The following AGMO variants were observed in gnomAD, a reference collection of about 807,000 sequenced individuals.
The protein encoded by AGMO is glyceryl-ether monooxygenase.
A neutral mutation model predicts 60.2 loss-of-function variants in AGMO; 75 were observed. The ratio of observed to expected loss-of-function variants is 1.25; its 90% CI spans 1.03 to 1.51. The LOEUF (loss-of-function observed/expected upper bound fraction) is 1.51. AGMO is among the 40% of genes most tolerant of loss of function. The pLI, the probability that AGMO is intolerant of heterozygous loss-of-function variation, is 0.00. For synonymous variants in AGMO, 261 were observed against 177.1 expected, an observed-to-expected ratio of 1.47 and a Z score of -3.76; for missense variants, 763 against 525.5, an observed-to-expected ratio of 1.45 and a Z score of -4.42.
chr7:15,142,918 A>T, the AGMO span, among the ~76,000 whole-genome samples: 1 of 152,218 alleles, frequency 6.6e-6, no homozygotes, highest in African/African-American at 2.4e-5. Context: ...CACGTTATGG[A>T]ATCTAGGTAC....
chr7:15,164,846 G>A, the AGMO span, among the ~76,000 whole-genome samples: 2 of 151,968 alleles, frequency 1.3e-5, no homozygotes, highest in Non-Finnish European at 2.9e-5. Flanking sequence ...ATTTCTTAAA[G>A]AAATAAAAAT....
chr7:15,396,139 G>C (rs1460429493), intron 5 of AGMO: 1 of 152,234 alleles, frequency 6.6e-6, no homozygotes, highest in Non-Finnish European at 1.5e-5. Context: ...GCATGCAAAA[G>C]ACTGTAAACC....
the AGMO span, among the ~76,000 whole-genome samples, chr7:15,164,820 G>A: frequency 6.6e-6 from 1 of 152,060 alleles, no homozygotes; most frequent in African/African-American, 2.4e-5. Flanking sequence ...CAACCTCTAT[G>A]GAAAGCAGTA....
At chr7:15,344,955 T>G (rs1157050225) in intron 12 of AGMO, among the ~76,000 whole-genome samples, 1 of 152,200 alleles carries the variant, frequency 6.6e-6, no homozygotes, top group Non-Finnish European at 1.5e-5. Flanking sequence ...ACAATTATCC[T>G]AAATCTTTCA....
intron 12 of AGMO, among the ~76,000 whole-genome samples, chr7:15,314,812 CA>C (rs1265882316): frequency 6.6e-6 from 1 of 151,948 alleles, no homozygotes; most frequent in Non-Finnish European, 1.5e-5. Flanking sequence ...TAGGTACACC[CA>C]ATCTTATCAA....
chr7:15,140,598 T>C, the AGMO span, among the ~76,000 whole-genome samples: 1 of 152,152 alleles, frequency 6.6e-6, no homozygotes, highest in South Asian at 2.1e-4. Flanking sequence ...TGTGCCATAT[T>C]GTTAGTAATT....
intron 3 of AGMO, among the ~76,000 whole-genome samples, chr7:15,542,709 C>T (rs1317831284): frequency 6.6e-6 from 1 of 152,100 alleles, no homozygotes; most frequent in East Asian, 1.9e-4. Context: ...TGAAATAAAA[C>T]ACAAATATGT....
intron 4 of AGMO, among the ~76,000 whole-genome samples, chr7:15,420,852 T>C (rs763315317): frequency 1.7e-4 from 26 of 152,190 alleles, no homozygotes; most frequent in African/African-American, 5.8e-4. Context: ...ATTCTGACTC[T>C]TAGTTTCTTT....
intron 3 of AGMO, among the ~76,000 whole-genome samples, chr7:15,449,294 T>C (rs2128504919): frequency 6.6e-6 from 1 of 151,914 alleles, no homozygotes; most frequent in Middle Eastern, 3.4e-3. Context: ...AATAATTCCC[T>C]ACAAGCCTGA....
chr7:15,443,449 A>G (rs998406818), intron 3 of AGMO, among the ~76,000 whole-genome samples: 3 of 152,120 alleles, frequency 2.0e-5, no homozygotes, highest in African/African-American at 7.2e-5. Context: ...TACTTTGACT[A>G]TTATACCTTT....
intron 5 of AGMO, among the ~76,000 whole-genome samples, chr7:15,409,308 T>C (rs923693516): frequency 6.6e-6 from 1 of 151,972 alleles, no homozygotes; most frequent in Non-Finnish European, 1.5e-5. Flanking sequence ...AACTCTACCA[T>C]ATCAGTTCTT....
chr7:15,334,291 GTTAT>G (rs1439545415), intron 12 of AGMO, among the ~76,000 whole-genome samples: 1 of 136,074 alleles, frequency 7.3e-6, no homozygotes, highest in Non-Finnish European at 1.5e-5. Context: ...TCAAAAAAGT[GTTAT>G]TTATAACCTT....
intron 12 of AGMO, among the ~76,000 whole-genome samples, chr7:15,259,991 A>C (rs935207873): frequency 6.6e-6 from 1 of 150,830 alleles, no homozygotes; most frequent in African/African-American, 2.4e-5. Context: ...TACAGTATAA[A>C]TCTCACAGGA....
intron 12 of AGMO, among the ~76,000 whole-genome samples, chr7:15,328,087 T>A (rs1259960840): frequency 6.6e-6 from 1 of 150,408 alleles, no homozygotes; most frequent in Non-Finnish European, 1.5e-5. Context: ...ATACACTGAG[T>A]CCTTCCTTCC....
chr7:15,269,224 G>T (rs903794151), intron 12 of AGMO, among the ~76,000 whole-genome samples: 8 of 152,110 alleles, frequency 5.3e-5, no homozygotes, highest in African/African-American at 1.9e-4. Flanking sequence ...TGATTTAGCA[G>T]CTTGTGTGTG....
chr7:15,405,297 G>A lies in AGMO; in HGVS notation c.610-11118C>T, dbSNP rs147105966. On this transcript the variant is annotated intron_variant, in intron 5 of 12. Transcript: ENST00000342526. ...CATTAAAAAGATGTTTGCTGGTGGT[G>A]ATCTAAGTTTTATACACTGGGAAAA... 9.4e-3 allele frequency among the ~76,000 whole-genome samples: 1,433 copies of A among 151,904 alleles called. 26 individuals carry two copies. The highest frequency in any genetic ancestry group is 0.034 in the African/African-American group (1,399 of 41,496).
intron 12 of AGMO, among the ~76,000 whole-genome samples, chr7:15,330,399 C>T (rs964537450): frequency 6.6e-6 from 1 of 152,176 alleles, no homozygotes; most frequent in Non-Finnish European, 1.5e-5. Flanking sequence ...TTATCCTTCA[C>T]TGAAGTCCTG....
intron 3 of AGMO, among the ~76,000 whole-genome samples, chr7:15,509,827 A>C (rs2128529631): frequency 6.6e-6 from 1 of 152,082 alleles, no homozygotes; most frequent in Admixed American, 6.5e-5. Flanking sequence ...CAACATTACT[A>C]ATCATCAGGT....
At chr7:15,335,966 C>G (rs1348840943) in intron 12 of AGMO, among the ~76,000 whole-genome samples, 1 of 152,148 alleles carries the variant, frequency 6.6e-6, no homozygotes, top group African/African-American at 2.4e-5. Context: ...ATATCTCCAT[C>G]ATGAGAAACA....
Sources: allele counts gnomAD v4.1 joint callset (sites outside exome capture counted in the v4.1 genomes callset), GRCh38; gene constraint gnomAD v4.1.1; transcripts MANE v1.5; gene names NCBI Gene and HGNC (gene_info 2026-07-23, HGNC 2026-07-21).